The following CPED1 variants were observed in gnomAD, a reference collection of about 807,000 sequenced individuals.
CPED1 encodes cadherin-like and PC-esterase domain-containing protein 1.
In CPED1, 114 loss-of-function variants were observed where a neutral mutation model predicts 128.2. The observed-to-expected ratio is 0.89, with a 90% CI of 0.76 to 1.04. The LOEUF (loss-of-function observed/expected upper bound fraction) is 1.04, where lower values mean the gene tolerates loss of function less well. Among genes scored for constraint, CPED1 ranks in the 50% least tolerant of loss-of-function variants. The pLI is 0.00. For synonymous variants in CPED1, 462 were observed against 426.7 expected (o/e 1.08, Z -1.02); for missense variants, 1,211 against 1,207.1 (o/e 1.00, Z -0.05).
intron 16 of CPED1, among the ~76,000 whole-genome samples, chr7:121,190,391 CAAAA>C (rs368606501): frequency 4.1e-5 from 4 of 97,348 alleles, no homozygotes; most frequent in East Asian, 2.7e-4. Context: ...GACTCTGTAT[CAAAA>C]AAAAAAAAAA....
At position 121,099,910 on chromosome 7, in the gene CPED1, T is replaced by G. The variant is rs1165120184; in HGVS notation, c.750-16T>G. 4.7e-5 allele frequency: 3 copies of G among 63,954 alleles called. No homozygotes were observed. In the African/African-American group the frequency reaches 1.9e-3, roughly 40 times the overall value. The allele number at this position is 63,954 out of a possible 1,614,324, so 4.0% of individuals were successfully genotyped here. A position where few individuals can be genotyped will look rare whatever the true frequency, so the allele number is the denominator to read the frequency against. ...CTACATTATGGAGCGCTAACTATGTTTTTTTTTTTTTTTAGGAATGAAACG... is the reference window on the plus strand; with the variant it reads ...CTACATTATGGAGCGCTAACTATGTGTTTTTTTTTTTTTAGGAATGAAACG... On this transcript the variant is annotated splice_polypyrimidine_tract_variant and intron_variant, in intron 6 of 22. Transcript: ENST00000310396.
intron 5 of CPED1, among the ~76,000 whole-genome samples, chr7:121,067,304 CCT>C (rs2116067650): frequency 6.6e-6 from 1 of 152,020 alleles, no homozygotes; most frequent in East Asian, 1.9e-4. Flanking sequence ...GTGATGTTCC[CCT>C]TCCTGTGTCC....
intron 16 of CPED1, among the ~76,000 whole-genome samples, chr7:121,169,012 A>G (rs1796594806): frequency 6.6e-6 from 1 of 152,230 alleles, no homozygotes; most frequent in South Asian, 2.1e-4. Flanking sequence ...GGAACCTAAT[A>G]TTCAAATACA....
At position 121,248,569 on chromosome 7, in the gene CPED1, G is replaced by T. The variant is rs1289965290; in HGVS notation, c.2310+4231G>T. On this transcript the variant is annotated intron_variant, in intron 18 of 22. Coordinates refer to ENST00000310396, the MANE Select transcript of CPED1 (RefSeq NM_024913.5). ...CAAACTGCCACACCAAAAAGATTTTGCTAATATAGCAGCACCCTGTGAAAC... is the reference window on the plus strand; with the variant it reads ...CAAACTGCCACACCAAAAAGATTTTTCTAATATAGCAGCACCCTGTGAAAC... Among the ~76,000 whole-genome samples, 14 of 131,528 alleles carry T rather than the reference G, an allele frequency of 1.1e-4. No homozygotes were observed. In the East Asian group the frequency reaches 2.8e-3, roughly 26 times the overall value. The allele number at this position is 131,528 out of a possible 152,430, so 86.3% of individuals were successfully genotyped here. A position where few individuals can be genotyped will look rare whatever the true frequency, so the allele number is the denominator to read the frequency against.
intron 2 of CPED1, among the ~76,000 whole-genome samples, chr7:121,012,345 A>G (rs1449150506): frequency 6.6e-6 from 1 of 152,262 alleles, no homozygotes; most frequent in African/African-American, 2.4e-5. Flanking sequence ...TCAAGATGAG[A>G]GAGAGGCAAG....
intron 5 of CPED1, among the ~76,000 whole-genome samples, chr7:121,071,417 G>A (rs1793986960): frequency 6.6e-6 from 1 of 152,064 alleles, no homozygotes; most frequent in Non-Finnish European, 1.5e-5. Flanking sequence ...AATTTTGCTA[G>A]CCAAGGATGA....
At chr7:121,284,737 G>A (rs1792531454) in intron 22 of CPED1, among the ~76,000 whole-genome samples, 2 of 152,218 alleles carry the variant, frequency 1.3e-5, no homozygotes, top group African/African-American at 4.8e-5. Flanking sequence ...GCAAGAGGTG[G>A]TCTCCCCCAG....
At chr7:121,216,969 AT>A (rs1301978462) in intron 16 of CPED1, among the ~76,000 whole-genome samples, 3 of 151,842 alleles carry the variant, frequency 2.0e-5, no homozygotes, top group East Asian at 2.0e-4. Context: ...TGAATATTGC[AT>A]TTTTTTGGAG....
chr7:121,141,932 C>A, intron 15 of CPED1, 41 bp from the exon 16 acceptor site: 1 of 1,536,216 alleles, frequency 6.5e-7, no homozygotes, highest in Non-Finnish European at 9.0e-7. Flanking sequence ...AATAAATCTC[C>A]CCTATTCATA....
At chr7:121,070,207 A>T (rs910841808) in intron 5 of CPED1, among the ~76,000 whole-genome samples, 7 of 149,722 alleles carry the variant, frequency 4.7e-5, no homozygotes, top group Non-Finnish European at 8.9e-5. Context: ...ATTTAATATA[A>T]TTAAAATAAT....
Position 121,261,619 on chromosome 7 carries a change from T to C in CPED1, c.2311-4608T>C. 1.9e-6 allele frequency: 3 copies of C among 1,608,420 alleles called. No individual in the cohort carries two copies. The South Asian group carries it at 3.3e-5, about 18-fold the overall frequency. On this transcript the variant is annotated intron_variant, in intron 18 of 22. Transcript: ENST00000310396. Reference sequence around the variant, plus strand: ...CATAGAAAACCTGACAGCTTCTTTTTTCCTTCCTTCAGTTGGGTGTCGATG... The same window carrying C: ...CATAGAAAACCTGACAGCTTCTTTTCTCCTTCCTTCAGTTGGGTGTCGATG...
intron 7 of CPED1, among the ~76,000 whole-genome samples, chr7:121,112,235 G>T (rs1795129529): frequency 6.6e-6 from 1 of 152,112 alleles, no homozygotes; most frequent in African/African-American, 2.4e-5. Context: ...CTTACCTCCA[G>T]AACCAGTGAA....
At chr7:121,287,260 C>CACACAG (rs762108872) in intron 22 of CPED1, among the ~76,000 whole-genome samples, 6 of 152,110 alleles carry the variant, frequency 3.9e-5, no homozygotes, top group Admixed American at 6.6e-5. Context: ...AACCTCCTGC[C>CACACAG]ACACAGACAC....
At chr7:121,138,592 C>T (rs1795832255) in intron 14 of CPED1, among the ~76,000 whole-genome samples, 1 of 151,994 alleles carries the variant, frequency 6.6e-6, no homozygotes, top group South Asian at 2.1e-4. Flanking sequence ...GTTTCAGTTT[C>T]TAAGGAGGGC....
intron 22 of CPED1, among the ~76,000 whole-genome samples, chr7:121,278,362 C>G (rs1475899646): frequency 1.3e-5 from 2 of 151,994 alleles, no homozygotes; most frequent in African/African-American, 4.8e-5. Context: ...GAGGGTCTCT[C>G]CTTCTCTATC....
At chr7:121,064,993 T>C (rs1334917554) in intron 5 of CPED1, among the ~76,000 whole-genome samples, 1 of 152,204 alleles carries the variant, frequency 6.6e-6, no homozygotes, top group African/African-American at 2.4e-5. Flanking sequence ...CCCCAGAAAG[T>C]TCTTTACTAC....
chr7:121,131,690 G>C (rs544442459), intron 12 of CPED1, among the ~76,000 whole-genome samples: 1 of 151,768 alleles, frequency 6.6e-6, no homozygotes, highest in South Asian at 2.1e-4. Context: ...AGTTGGAAAG[G>C]GTGAGGACTT....
intron 16 of CPED1, among the ~76,000 whole-genome samples, chr7:121,168,314 T>C (rs574864630): frequency 5.3e-5 from 8 of 152,244 alleles, no homozygotes; most frequent in Non-Finnish European, 1.0e-4. Context: ...TCTTAAAAAG[T>C]GACTGACAAG....
At chr7:121,184,139 T>TTA (rs1444342078) in intron 16 of CPED1, among the ~76,000 whole-genome samples, 1 of 99,202 alleles carries the variant, frequency 1.0e-5, no homozygotes, top group Non-Finnish European at 2.2e-5. Context: ...AGACTCTGTC[T>TTA]CAAAAAAAAA....
Sources: allele counts gnomAD v4.1 joint callset (sites outside exome capture counted in the v4.1 genomes callset), GRCh38; gene constraint gnomAD v4.1.1; transcripts MANE v1.5; gene names NCBI Gene and HGNC (gene_info 2026-07-23, HGNC 2026-07-21).